Variants in FOXP1 observed in about 807,000 individuals in gnomAD.
FOXP1 encodes the protein forkhead box P1.
Under a neutral mutation model 98.2 loss-of-function variants are expected in FOXP1, and 15 were observed. The observed-to-expected ratio is 0.15, with a 90% confidence interval of 0.10 to 0.24. The LOEUF (loss-of-function observed/expected upper bound fraction) is 0.24. FOXP1 is among the 10% of genes least tolerant of loss of function. The probability of loss-of-function intolerance (pLI) is 1.00; values close to 1 mark genes in which losing one functional copy is unlikely to be tolerated. For missense variants in FOXP1, 633 were observed against 848.5 expected, an observed-to-expected ratio of 0.75 and a Z score of 3.15; for synonymous variants, 371 against 314.5, an observed-to-expected ratio of 1.18 and a Z score of -1.90.
intron 3 of FOXP1, among the ~76,000 whole-genome samples, chr3:71,453,682 G>C (rs545751896): frequency 6.6e-6 from 1 of 152,060 alleles, no homozygotes; most frequent in African/African-American, 2.4e-5. Context: ...TCTTATTCTC[G>C]TTGAAGAAAT....
chr3:71,420,611 C>G lies in FOXP1; in HGVS notation c.-167-61367G>C, dbSNP rs528286988. Among the ~76,000 whole-genome samples the G allele has an allele frequency of 1.1e-4, 16 of 152,228 alleles. No individual in the cohort carries two copies. In the South Asian group the frequency reaches 3.3e-3, roughly 32 times the overall value. On this transcript the variant is annotated intron_variant, in intron 3 of 20. Transcript: ENST00000649528. ...TTCTACATATATGTATGTAAAACAA[C>G]CAGACCCTGCCCAAGTGGATCAGCA...
At chr3:71,349,400 G>C (rs2077622870) in intron 4 of FOXP1, among the ~76,000 whole-genome samples, 1 of 152,166 alleles carries the variant, frequency 6.6e-6, no homozygotes, top group Non-Finnish European at 1.5e-5. Flanking sequence ...AAATTGCACA[G>C]TGATGCTTCT....
Position 71,072,138 on chromosome 3 carries a change from G to A in FOXP1, c.283-18365C>T, listed in dbSNP as rs377648862. On this transcript the variant is annotated intron_variant, in intron 7 of 20. Coordinates refer to ENST00000649528, the MANE Select transcript of FOXP1 (RefSeq NM_001349338.3). ...GGAGTTCAAGACCAGCTAGGGCAAT[G>A]TAGCAAGACCCTGTCTCTAAAATAT... 3.5e-4 allele frequency among the ~76,000 whole-genome samples: 54 copies of A among 152,234 alleles called. 1 individual carries two copies. In the South Asian group the frequency reaches 5.4e-3, roughly 15 times the overall value.
intron 5 of FOXP1, among the ~76,000 whole-genome samples, chr3:71,270,004 A>G (rs1576682209): frequency 6.6e-6 from 1 of 152,350 alleles, no homozygotes; most frequent in South Asian, 2.1e-4. Flanking sequence ...GCAAAGTCTG[A>G]GTTTCCGAGT....
intron 2 of FOXP1, among the ~76,000 whole-genome samples, chr3:71,546,348 C>T (rs541828419): frequency 3.0e-4 from 45 of 152,296 alleles, no homozygotes; most frequent in African/African-American, 1.1e-3. Flanking sequence ...AAGATTTGCT[C>T]ATTAACTGAG....
At chr3:71,497,886 T>C (rs1395781267) in intron 2 of FOXP1, among the ~76,000 whole-genome samples, 1 of 152,136 alleles carries the variant, frequency 6.6e-6, no homozygotes, top group Non-Finnish European at 1.5e-5. Context: ...TAAAAGCCCA[T>C]TGAAATATTT....
chr3:71,270,869 T>C (rs913662546), intron 5 of FOXP1, among the ~76,000 whole-genome samples: 1 of 142,414 alleles, frequency 7.0e-6, no homozygotes, highest in African/African-American at 2.7e-5. Context: ...ATTATGCCAT[T>C]AGGCAAGTTA....
intron 5 of FOXP1, among the ~76,000 whole-genome samples, chr3:71,277,795 G>A (rs2071071636): frequency 6.6e-6 from 1 of 151,538 alleles, no homozygotes; most frequent in African/African-American, 2.4e-5. Flanking sequence ...AAAAAATGGT[G>A]TTGGAGTATT....
intron 5 of FOXP1, among the ~76,000 whole-genome samples, chr3:71,228,726 T>C (rs2066037664): frequency 6.6e-6 from 1 of 152,212 alleles, no homozygotes; most frequent in African/African-American, 2.4e-5. Flanking sequence ...GATTACACTC[T>C]ATGACACTGA....
Position 71,179,669 on chromosome 3 carries a change from T to C in FOXP1, c.180+18533A>G, listed in dbSNP as rs1453328010. Among the ~76,000 whole-genome samples the C allele has an allele frequency of 2.0e-5, 3 of 152,320 alleles. No individual in the cohort carries two copies. The East Asian group carries it at 5.8e-4, about 29-fold the overall frequency. Reference sequence around the variant, plus strand: ...TTACTGCTAGCTCTTTTCTCATCTATAATGTTCGATGGTGGCAATGAGAAT... The same window carrying C: ...TTACTGCTAGCTCTTTTCTCATCTACAATGTTCGATGGTGGCAATGAGAAT... On this transcript the variant is annotated intron_variant, in intron 6 of 20. Coordinates refer to ENST00000649528, the MANE Select transcript of FOXP1 (RefSeq NM_001349338.3).
intron 3 of FOXP1, among the ~76,000 whole-genome samples, chr3:71,431,334 A>T (rs978711479): frequency 2.6e-5 from 4 of 152,178 alleles, no homozygotes; most frequent in African/African-American, 9.7e-5. Context: ...GTGTGAGAAG[A>T]TGCTTGCCCA....
At chr3:71,369,894 C>T (rs909321288) in intron 3 of FOXP1, among the ~76,000 whole-genome samples, 1 of 152,148 alleles carries the variant, frequency 6.6e-6, no homozygotes, top group Non-Finnish European at 1.5e-5. Flanking sequence ...GGTTTAAGAC[C>T]TCCTGGAGCC....
At chr3:71,310,926 C>A (rs955382270) in intron 4 of FOXP1, among the ~76,000 whole-genome samples, 5 of 152,196 alleles carry the variant, frequency 3.3e-5, no homozygotes, top group African/African-American at 1.2e-4. Context: ...GTTCCCACTG[C>A]AGCTGAACTG....
chr3:71,282,011 G>A (rs376429274), intron 5 of FOXP1, among the ~76,000 whole-genome samples: 17 of 151,940 alleles, frequency 1.1e-4, no homozygotes, highest in African/African-American at 3.9e-4. Context: ...AAGAGGCTGA[G>A]AGGGGAAGAC....
In FOXP1 at chr3:71,262,094, T is replaced by C. The variant is rs577884599; in HGVS notation, c.-12+37726A>G. 2.0e-5 allele frequency among the ~76,000 whole-genome samples: 3 copies of C among 151,542 alleles called. No homozygotes were observed. The South Asian group carries it at 6.3e-4, about 32-fold the overall frequency. ...CAGCCTGGCCAACATGGTGAAACCC[T>C]GTCTCCACTAAAAATACAAAAATTA... On this transcript the variant is annotated intron_variant, in intron 5 of 20. Transcript: ENST00000649528.
chr3:71,395,786 A>T (rs2081335453), intron 3 of FOXP1, among the ~76,000 whole-genome samples: 1 of 152,126 alleles, frequency 6.6e-6, no homozygotes, highest in Non-Finnish European at 1.5e-5. Flanking sequence ...CCCACATCAT[A>T]TCGGTCTCCA....
chr3:71,212,903 A>AT (rs1400762853), intron 5 of FOXP1, among the ~76,000 whole-genome samples: 1 of 151,730 alleles, frequency 6.6e-6, no homozygotes, highest in Admixed American at 6.6e-5. Flanking sequence ...AATACAGTAT[A>AT]TTTTTATGGG....
At position 71,505,057 on chromosome 3, in the gene FOXP1, G is replaced by A. The variant is rs922106082; in HGVS notation, c.-297-11502C>T. On this transcript the variant is annotated intron_variant, in intron 2 of 20. Transcript: ENST00000649528. The stretch of plus-strand genomic sequence containing the variant: ...GTCAGTGACAGAGCCACATCTTTCT[G>A]AAACCCAAGCCTCGTCCCTTAACCA... Among the ~76,000 whole-genome samples, 44 of 152,172 alleles carry A rather than the reference G, an allele frequency of 2.9e-4. 1 individual carries two copies. The highest frequency in any genetic ancestry group is 1.0e-4 in the Non-Finnish European group (7 of 68,040).
chr3:71,050,097 A>G (rs560277559), intron 9 of FOXP1, among the ~76,000 whole-genome samples: 1 of 152,280 alleles, frequency 6.6e-6, no homozygotes, highest in African/African-American at 2.4e-5. Flanking sequence ...TTGTTTAGAC[A>G]CAAAGTGTTC....
Sources: gnomAD v4.1 joint callset for allele counts (sites outside exome capture counted in the v4.1 genomes callset) on GRCh38, gnomAD v4.1.1 for gene constraint, MANE v1.5 for transcripts, NCBI Gene and HGNC (gene_info 2026-07-23, HGNC 2026-07-21) for gene names.